The following FAM13A variants were observed in gnomAD, a reference collection of about 807,000 sequenced individuals.
The protein encoded by FAM13A is protein FAM13A.
Under a neutral mutation model 129.6 loss-of-function variants are expected in FAM13A, and 76 were observed. That is an observed-to-expected ratio of 0.59 (90% CI 0.49 to 0.71). The LOEUF (loss-of-function observed/expected upper bound fraction) is 0.71, where lower values mean the gene tolerates loss of function less well. Ranked by LOEUF, FAM13A falls within the 30% of genes least tolerant of loss-of-function variation. The probability of loss-of-function intolerance (pLI) is 0.00; values close to 1 mark genes in which losing one functional copy is unlikely to be tolerated. For missense variants in FAM13A, 1,108 were observed against 1,249.3 expected, an observed-to-expected ratio of 0.89 and a Z score of 1.70; for synonymous variants, 443 against 449.9, an observed-to-expected ratio of 0.98 and a Z score of 0.20.
At chr4:88,814,264 A>T (rs1419023515) in intron 7 of FAM13A, among the ~76,000 whole-genome samples, 1 of 152,218 alleles carries the variant, frequency 6.6e-6, no homozygotes, top group East Asian at 1.9e-4. Flanking sequence ...TCCACTCTGA[A>T]GCACTATGCA....
intron 2 of FAM13A, among the ~76,000 whole-genome samples, chr4:89,026,354 T>C (rs578047394): frequency 6.6e-6 from 1 of 152,232 alleles, no homozygotes; most frequent in East Asian, 1.9e-4. Flanking sequence ...TCCAGAGCTG[T>C]TTTCTAAGAA....
intron 7 of FAM13A, among the ~76,000 whole-genome samples, chr4:88,838,999 G>A (rs1735341413): frequency 6.6e-6 from 1 of 151,330 alleles, no homozygotes; most frequent in Admixed American, 6.6e-5. Flanking sequence ...TTTTACTTGT[G>A]TTCTCTCTAT....
chr4:88,890,945 T>C (rs1474373430), intron 6 of FAM13A, among the ~76,000 whole-genome samples: 1 of 152,122 alleles, frequency 6.6e-6, no homozygotes, highest in African/African-American at 2.4e-5. Context: ...GAAACGTGAA[T>C]AGACCTATAT....
chr4:88,920,649 C>T (rs1750902325), intron 5 of FAM13A, among the ~76,000 whole-genome samples: 1 of 152,174 alleles, frequency 6.6e-6, no homozygotes, highest in Non-Finnish European at 1.5e-5. Flanking sequence ...AGTGCCTCTC[C>T]TCCTCCAAAA....
chr4:88,880,783 C>CGGGGGGGGGGGGGGGGGGGGGGG (rs70959631), intron 6 of FAM13A, among the ~76,000 whole-genome samples: 1 of 30,054 alleles, frequency 3.3e-5, no homozygotes, highest in African/African-American at 1.6e-4. Context: ...CGGTGGGGGG[C>CGGGGGGGGGGGGGGGGGGGGGGG]GGGGGGGGGG....
chr4:88,836,129 T>A (rs1472200531), intron 7 of FAM13A, among the ~76,000 whole-genome samples: 1 of 152,212 alleles, frequency 6.6e-6, no homozygotes, highest in African/African-American at 2.4e-5. Flanking sequence ...AAATTCTATA[T>A]TCTTTCATTG....
At chr4:88,909,575 C>T (rs1748713508) in intron 5 of FAM13A, among the ~76,000 whole-genome samples, 1 of 152,044 alleles carries the variant, frequency 6.6e-6, no homozygotes, top group South Asian at 2.1e-4. Flanking sequence ...CAACCTCCGC[C>T]TCCCAGGTTC....
intron 10 of FAM13A, 46 bp from the exon 11 acceptor site, chr4:88,781,397 G>T (rs1482218005): frequency 7.6e-7 from 1 of 1,317,782 alleles, no homozygotes; most frequent in Non-Finnish European, 1.1e-6. Flanking sequence ...AGATCAAATG[G>T]TCATTGAATG....
intron 5 of FAM13A, among the ~76,000 whole-genome samples, chr4:88,919,134 A>G (rs1266870175): frequency 6.6e-6 from 1 of 152,266 alleles, no homozygotes; most frequent in Admixed American, 6.5e-5. Context: ...ACTAAATTAT[A>G]TAAGTACCAT....
At chr4:89,041,922 A>C (rs548218149) in intron 1 of FAM13A, among the ~76,000 whole-genome samples, 18 of 151,986 alleles carry the variant, frequency 1.2e-4, no homozygotes, top group Non-Finnish European at 2.2e-4. Context: ...TCTGCCTCAA[A>C]AAAAAAAAGA....
chr4:89,056,498 A>G lies in FAM13A; in HGVS notation c.27+440T>C, dbSNP rs561077094. On this transcript the variant is annotated intron_variant, in intron 1 of 23. Coordinates refer to ENST00000264344, the MANE Select transcript of FAM13A (RefSeq NM_014883.4). The stretch of plus-strand genomic sequence containing the variant: ...CTGAAACAGAAACTCCAGAATTACT[A>G]AACGAAAATAGAAATATAAAACAGA... Among the ~76,000 whole-genome samples the G allele has an allele frequency of 4.9e-4, 74 of 152,206 alleles. 1 individual carries two copies. The highest frequency in any genetic ancestry group is 2.8e-4 in the Non-Finnish European group (19 of 68,038).
intron 1 of FAM13A, among the ~76,000 whole-genome samples, chr4:89,051,902 T>A (rs1771643145): frequency 6.6e-6 from 1 of 152,204 alleles, no homozygotes; most frequent in African/African-American, 2.4e-5. Flanking sequence ...TGCCTCCACA[T>A]CTTTGCTGGG....
chr4:88,938,517 A>T (rs1477981427), intron 4 of FAM13A, among the ~76,000 whole-genome samples: 1 of 152,226 alleles, frequency 6.6e-6, no homozygotes, highest in Non-Finnish European at 1.5e-5. Context: ...TGAATATATT[A>T]AAAATTATTA....
At chr4:88,853,325 A>G (rs1001857816) in intron 6 of FAM13A, among the ~76,000 whole-genome samples, 1 of 152,204 alleles carries the variant, frequency 6.6e-6, no homozygotes, top group Non-Finnish European at 1.5e-5. Flanking sequence ...GTTACCTCAC[A>G]TACATTTTTT....
At chr4:89,055,020 T>C (rs975160250) in intron 1 of FAM13A, among the ~76,000 whole-genome samples, 11 of 152,348 alleles carry the variant, frequency 7.2e-5, no homozygotes, top group Middle Eastern at 3.4e-3. Flanking sequence ...AATCTCATAT[T>C]TGAGGGGCTC....
chr4:88,850,687 C>T (rs1194480314), intron 7 of FAM13A, among the ~76,000 whole-genome samples: 4 of 151,918 alleles, frequency 2.6e-5, no homozygotes, highest in Non-Finnish European at 5.9e-5. Context: ...GTGACAACTT[C>T]GATCTCCACT....
chr4:88,896,351 C>T (rs999794950), intron 6 of FAM13A, among the ~76,000 whole-genome samples: 47 of 151,834 alleles, frequency 3.1e-4, no homozygotes, highest in Non-Finnish European at 5.4e-4. Context: ...AGCACACCAG[C>T]GTGGCACACG....
chr4:88,966,636 G>A (rs1383425674), intron 4 of FAM13A, among the ~76,000 whole-genome samples: 7 of 151,844 alleles, frequency 4.6e-5, no homozygotes, highest in East Asian at 1.9e-4. Flanking sequence ...TTGAATCCCC[G>A]GCAGTCAGTT....
chr4:88,739,248 A>G lies in FAM13A; in HGVS notation c.2467-123T>C, dbSNP rs114111202. On this transcript the variant is annotated intron_variant, in intron 19 of 23. Coordinates refer to ENST00000264344, the MANE Select transcript of FAM13A (RefSeq NM_014883.4). Reference sequence around the variant, plus strand: ...CAGATGATGCAACTTAAGTCTTACTACCCTCACAGAATTTATTTAAACTGA... The same window carrying G: ...CAGATGATGCAACTTAAGTCTTACTGCCCTCACAGAATTTATTTAAACTGA... 906 of 667,912 alleles carry G rather than the reference A, an allele frequency of 1.4e-3. 13 individuals are homozygous for G. In the African/African-American group the frequency reaches 0.015, roughly 11 times the overall value. The allele number at this position is 667,912 out of a possible 1,614,324, so 41.4% of individuals were successfully genotyped here.
Sources: gnomAD v4.1 joint callset for allele counts (sites outside exome capture counted in the v4.1 genomes callset) on GRCh38, gnomAD v4.1.1 for gene constraint, MANE v1.5 for transcripts, NCBI Gene and HGNC (gene_info 2026-07-23, HGNC 2026-07-21) for gene names.